Variants in GALNT17 observed in about 807,000 individuals in gnomAD.
The protein encoded by GALNT17 is UDP-GalNAc:polypeptide N-acetylgalactosaminyltransferase-like 3.
Under a neutral mutation model 63.7 loss-of-function variants are expected in GALNT17, and 29 were observed. The observed-to-expected ratio is 0.46, with a 90% CI of 0.34 to 0.62. The LOEUF (loss-of-function observed/expected upper bound fraction) is 0.62. Among genes scored for constraint, GALNT17 ranks in the 20% least tolerant of loss-of-function variants. The pLI is 0.01. For synonymous variants in GALNT17, 305 were observed against 318.3 expected, an observed-to-expected ratio of 0.96 and a Z score of 0.45; for missense variants, 603 against 799.6, an observed-to-expected ratio of 0.75 and a Z score of 2.97.
intron 6 of GALNT17, among the ~76,000 whole-genome samples, chr7:71,649,457 G>T (rs1221073227): frequency 6.6e-6 from 1 of 152,126 alleles, no homozygotes; most frequent in African/African-American, 2.4e-5. Flanking sequence ...TAAGAGGATG[G>T]GTGATTGGCT....
intron 1 of GALNT17, among the ~76,000 whole-genome samples, chr7:71,200,860 GAAAAC>G (rs1038400766): frequency 3.3e-4 from 50 of 151,890 alleles, no homozygotes; most frequent in African/African-American, 1.2e-3. Flanking sequence ...TCTAGACTCA[GAAAAC>G]AAAACAAAAC....
intron 1 of GALNT17, among the ~76,000 whole-genome samples, chr7:71,285,229 A>G (rs563437287): frequency 1.2e-3 from 181 of 152,246 alleles, no homozygotes; most frequent in Non-Finnish European, 2.3e-3. Context: ...TTATTTGACT[A>G]CCTCTTTATT....
intron 5 of GALNT17, among the ~76,000 whole-genome samples, chr7:71,453,329 T>C (rs1172004545): frequency 6.6e-6 from 1 of 152,170 alleles, no homozygotes; most frequent in Non-Finnish European, 1.5e-5. Flanking sequence ...AAGATATAAC[T>C]GAGACTAGGA....
In GALNT17 at chr7:71,665,397, C is replaced by T. The variant is rs1410334027; in HGVS notation, c.1081-14C>T. On this transcript the variant is annotated splice_polypyrimidine_tract_variant and intron_variant, in intron 6 of 10. Coordinates refer to ENST00000333538, the MANE Select transcript of GALNT17 (RefSeq NM_022479.3). Reference sequence around the variant, plus strand: ...AATTTCTTTTTCAGGCTGATGAAATCTTTGTACCCCTAGGTATGGCTCTGT... The same window carrying T: ...AATTTCTTTTTCAGGCTGATGAAATTTTTGTACCCCTAGGTATGGCTCTGT... 1.3e-6 allele frequency: 2 copies of T among 1,589,288 alleles called. No homozygotes were observed. The highest frequency in any genetic ancestry group is 1.9e-5 in the Admixed American group (1 of 53,242).
At chr7:71,499,773 G>A (rs1354167773) in intron 5 of GALNT17, among the ~76,000 whole-genome samples, 1 of 152,184 alleles carries the variant, frequency 6.6e-6, no homozygotes, top group East Asian at 1.9e-4. Context: ...TCACTGATAT[G>A]GTTTGGCTGT....
intron 9 of GALNT17, among the ~76,000 whole-genome samples, chr7:71,679,815 G>A (rs974503731): frequency 6.6e-6 from 1 of 151,934 alleles, no homozygotes; most frequent in African/African-American, 2.4e-5. Flanking sequence ...CATCCCCAGA[G>A]TTTTTGGGTC....
chr7:71,604,246 T>C (rs117333422), intron 6 of GALNT17, among the ~76,000 whole-genome samples: 1 of 120,094 alleles, frequency 8.3e-6, no homozygotes, highest in Non-Finnish European at 2.0e-5. Flanking sequence ...CTATGCTAAG[T>C]GCGTATACGA....
chr7:71,323,341 T>C (rs1191848393), intron 1 of GALNT17, among the ~76,000 whole-genome samples: 2 of 152,228 alleles, frequency 1.3e-5, no homozygotes, highest in East Asian at 3.9e-4. Context: ...CTGGAATTTC[T>C]GCACCAAATG....
chr7:71,488,180 A>C (rs1445171584), intron 5 of GALNT17, among the ~76,000 whole-genome samples: 1 of 151,258 alleles, frequency 6.6e-6, no homozygotes, highest in African/African-American at 2.4e-5. Context: ...AAAAAAAAAA[A>C]AAAAAAAAAC....
intron 2 of GALNT17, among the ~76,000 whole-genome samples, chr7:71,351,019 T>C (rs1434696416): frequency 6.6e-6 from 1 of 152,200 alleles, no homozygotes; most frequent in Admixed American, 6.5e-5. Context: ...TACACACCTG[T>C]AGTTCCAGCT....
intron 1 of GALNT17, among the ~76,000 whole-genome samples, chr7:71,259,865 TCTC>T (rs1301357711): frequency 1.3e-5 from 2 of 151,860 alleles, no homozygotes; most frequent in African/African-American, 4.8e-5. Flanking sequence ...ATGGTCTCGA[TCTC>T]CTGACCTCGT....
At chr7:71,570,548 C>G (rs1180787044) in intron 5 of GALNT17, among the ~76,000 whole-genome samples, 1 of 152,140 alleles carries the variant, frequency 6.6e-6, no homozygotes, top group Non-Finnish European at 1.5e-5. Context: ...CAAGGACCCC[C>G]CATCCCATCA....
intron 1 of GALNT17, among the ~76,000 whole-genome samples, chr7:71,328,189 C>T (rs1316415392): frequency 1.3e-5 from 2 of 152,194 alleles, no homozygotes; most frequent in Non-Finnish European, 2.9e-5. Context: ...TGCCACTTGG[C>T]TTTAACTGTC....
intron 6 of GALNT17, among the ~76,000 whole-genome samples, chr7:71,589,251 G>A (rs1789763591): frequency 6.6e-6 from 1 of 152,186 alleles, no homozygotes; most frequent in Non-Finnish European, 1.5e-5. Context: ...TCACACAAAT[G>A]TTATTACGTT....
chr7:71,631,920 T>G (rs941678781), intron 6 of GALNT17, among the ~76,000 whole-genome samples: 25 of 152,132 alleles, frequency 1.6e-4, no homozygotes, highest in African/African-American at 3.1e-4. Context: ...TATTCTTTTT[T>G]TGTGTGTGTA....
At chr7:71,147,442 G>A (rs1788044094) in intron 1 of GALNT17, among the ~76,000 whole-genome samples, 1 of 152,076 alleles carries the variant, frequency 6.6e-6, no homozygotes, top group Non-Finnish European at 1.5e-5. Flanking sequence ...TGATTAGATG[G>A]TGCCCATCCA....
chr7:71,419,358 T>A (rs2116447104), intron 4 of GALNT17, among the ~76,000 whole-genome samples: 1 of 152,360 alleles, frequency 6.6e-6, no homozygotes, highest in East Asian at 1.9e-4. Context: ...ATTTATATAA[T>A]GCTGATCATT....
intron 5 of GALNT17, among the ~76,000 whole-genome samples, chr7:71,472,578 C>T (rs1040423755): frequency 4.6e-5 from 7 of 151,992 alleles, no homozygotes; most frequent in Non-Finnish European, 8.8e-5. Flanking sequence ...CCCAGCTAGT[C>T]GGGAGGCAGA....
intron 9 of GALNT17, among the ~76,000 whole-genome samples, chr7:71,694,597 T>C (rs937036136): frequency 4.6e-5 from 7 of 152,200 alleles, no homozygotes; most frequent in African/African-American, 1.7e-4. Context: ...GGTTTCACCA[T>C]GTTGGCCAGG....
Sources: gnomAD v4.1 joint callset for allele counts (sites outside exome capture counted in the v4.1 genomes callset) on GRCh38, gnomAD v4.1.1 for gene constraint, MANE v1.5 for transcripts, NCBI Gene and HGNC (gene_info 2026-07-23, HGNC 2026-07-21) for gene names.